SDC2: variants seen among roughly 807,000 people sequenced by gnomAD.
SDC2 encodes the protein syndecan-2.
Under a neutral mutation model 22.2 loss-of-function variants are expected in SDC2, and 13 were observed. The ratio of observed to expected loss-of-function variants is 0.59; its 90% CI spans 0.38 to 0.93. SDC2 has a LOEUF of 0.93. SDC2 is among the 40% of genes least tolerant of loss of function. The probability of loss-of-function intolerance (pLI) is 0.00; values close to 1 mark genes in which losing one functional copy is unlikely to be tolerated. For missense variants in SDC2, 235 were observed against 246.8 expected (o/e 0.95, Z 0.32); for synonymous variants, 94 against 92.8 (o/e 1.01, Z -0.07).
chr8:96,598,651 G>A (rs1206055913), intron 2 of SDC2, among the ~76,000 whole-genome samples: 1 of 151,912 alleles, frequency 6.6e-6, no homozygotes. Context: ...AAAAATAAGA[G>A]AATGAGCATG....
intron 1 of SDC2, among the ~76,000 whole-genome samples, chr8:96,576,364 G>GTTTT (rs1291289471): frequency 1.0e-4 from 2 of 19,172 alleles, no homozygotes; most frequent in African/African-American, 2.7e-4. Context: ...ATAATTGGTA[G>GTTTT]TTTGTTTTTG....
At chr8:96,502,213 A>AC (rs993240683) in intron 1 of SDC2, among the ~76,000 whole-genome samples, 2 of 152,332 alleles carry the variant, frequency 1.3e-5, no homozygotes, top group South Asian at 2.1e-4. Flanking sequence ...GAGAGCTTGT[A>AC]CAGGGGAACT....
chr8:96,508,902 G>A (rs1489847012), intron 1 of SDC2, among the ~76,000 whole-genome samples: 2 of 142,430 alleles, frequency 1.4e-5, no homozygotes, highest in African/African-American at 5.0e-5. Flanking sequence ...AATGGTTGCA[G>A]CCTCAAATCA....
intron 4 of SDC2, among the ~76,000 whole-genome samples, chr8:96,608,803 A>C (rs1006288809): frequency 7.2e-5 from 11 of 152,328 alleles, no homozygotes; most frequent in Non-Finnish European, 7.4e-5. Context: ...GGCATTCTAC[A>C]TTTCAAAATA....
intron 1 of SDC2, among the ~76,000 whole-genome samples, chr8:96,523,656 T>C (rs1422416872): frequency 1.3e-5 from 2 of 152,192 alleles, no homozygotes; most frequent in African/African-American, 2.4e-5. Context: ...CGGAGACTCA[T>C]TGAAAACAGC....
At chr8:96,555,284 T>C (rs1258558018) in intron 1 of SDC2, among the ~76,000 whole-genome samples, 3 of 152,178 alleles carry the variant, frequency 2.0e-5, no homozygotes, top group Non-Finnish European at 2.9e-5. Flanking sequence ...TCTTTCATTA[T>C]ATGGACTTTG....
rs1169536490 is a variant in SDC2 at position 96,610,573 on chromosome 8, A to G, written c.*1025A>G. ...TTCTAATGGTAACTTTTGTAGTCTT[A>G]TGAATAGACATAAATTGTAATTTGG... is the stretch of plus-strand genomic sequence containing the variant. On this transcript the variant is annotated 3_prime_UTR_variant, in exon 5 of 5. Transcript: ENST00000302190. 5 of 152,654 alleles carry G rather than the reference A, an allele frequency of 3.3e-5. No homozygotes were observed. Among genetic ancestry groups the G allele is most frequent in the African/African-American group, 1.2e-4 (5 of 41,454 alleles). The allele number at this position is 152,654 out of a possible 1,614,324, so 9.5% of individuals were successfully genotyped here. A position where few individuals can be genotyped will look rare whatever the true frequency, so the allele number is the denominator to read the frequency against.
At chr8:96,540,982 A>C (rs1009475456) in intron 1 of SDC2, among the ~76,000 whole-genome samples, 2 of 152,242 alleles carry the variant, frequency 1.3e-5, no homozygotes, top group Non-Finnish European at 2.9e-5. Context: ...CAAATATTCC[A>C]GTCTAAGAGA....
At chr8:96,506,373 C>T (rs183457778) in intron 1 of SDC2, among the ~76,000 whole-genome samples, 2 of 152,202 alleles carry the variant, frequency 1.3e-5, no homozygotes, top group East Asian at 3.9e-4. Context: ...AAAGTGAGAG[C>T]TGGGCCTTTG....
intron 1 of SDC2, among the ~76,000 whole-genome samples, chr8:96,555,534 CAA>C (rs1223050540): frequency 6.6e-6 from 1 of 152,080 alleles, no homozygotes; most frequent in Admixed American, 6.6e-5. Flanking sequence ...GCCGCCAGGT[CAA>C]AGTGTGCAGA....
In SDC2 at chr8:96,608,200, C is replaced by G. The variant is rs985123187; in HGVS notation, c.307-135C>G. The G allele has an allele frequency of 1.7e-5, 13 of 755,048 alleles. No homozygotes were observed. The Admixed American group carries it at 2.8e-4, about 16-fold the overall frequency. 46.8% of individuals were successfully genotyped at this position (755,048 alleles called of 1,614,324 possible). ...CTCACCCATTGCTATAAACATCACACAAGTGATTATTCCAGTTATTTCCTA... is the reference window on the plus strand; with the variant it reads ...CTCACCCATTGCTATAAACATCACAGAAGTGATTATTCCAGTTATTTCCTA... On this transcript the variant is annotated intron_variant, in intron 3 of 4. Coordinates refer to ENST00000302190, the MANE Select transcript of SDC2 (RefSeq NM_002998.4).
At chr8:96,505,585 C>G (rs893820102) in intron 1 of SDC2, among the ~76,000 whole-genome samples, 1 of 152,202 alleles carries the variant, frequency 6.6e-6, no homozygotes, top group Non-Finnish European at 1.5e-5. Context: ...CAGGCATAAG[C>G]CACCGCGCCC....
At chr8:96,512,905 G>A (rs1336856823) in intron 1 of SDC2, among the ~76,000 whole-genome samples, 1 of 152,138 alleles carries the variant, frequency 6.6e-6, no homozygotes, top group African/African-American at 2.4e-5. Context: ...GAAGCCTTTA[G>A]TGCATCAAAC....
Position 96,602,495 on chromosome 8 carries a change from G to A in SDC2, c.273G>A (p.Leu91=). Residue 91 remains leucine, a synonymous_variant, in exon 3 of 5, where the codon CTG becomes CTA. Coordinates refer to ENST00000302190, the MANE Select transcript of SDC2 (RefSeq NM_002998.4). ...SAAPKVETTT[L]NIQNKIPAQT... is the part of the protein sequence containing the mutation. ...CTCCAAAAGTGGAAACCACGACGCT[G>A]AATATACAGAACAAGATACCTGCTC... 6.2e-7 allele frequency: 1 copy of A among 1,614,140 alleles called. No homozygotes were observed. The highest frequency in any genetic ancestry group is 8.5e-7 in the Non-Finnish European group (1 of 1,179,998).
intron 1 of SDC2, among the ~76,000 whole-genome samples, chr8:96,544,573 T>C (rs1813903104): frequency 6.6e-6 from 1 of 152,208 alleles, no homozygotes; most frequent in Non-Finnish European, 1.5e-5. Flanking sequence ...GCCCTTATCA[T>C]ACCCTGCTTT....
At chr8:96,594,095 A>G (rs1317964041) in intron 2 of SDC2, among the ~76,000 whole-genome samples, 1 of 152,208 alleles carries the variant, frequency 6.6e-6, no homozygotes, top group Non-Finnish European at 1.5e-5. Context: ...TGCAGCAGCC[A>G]AGTAAAATGA....
At chr8:96,560,223 A>G (rs1814186058) in intron 1 of SDC2, among the ~76,000 whole-genome samples, 1 of 152,168 alleles carries the variant, frequency 6.6e-6, no homozygotes, top group African/African-American at 2.4e-5. Flanking sequence ...ATCTTTCTAA[A>G]CTAGTATTTT....
chr8:96,555,941 T>C (rs1814102388), intron 1 of SDC2, among the ~76,000 whole-genome samples: 1 of 152,138 alleles, frequency 6.6e-6, no homozygotes, highest in Non-Finnish European at 1.5e-5. Flanking sequence ...GCCTGAGCTA[T>C]AGTACCTTGT....
intron 1 of SDC2, among the ~76,000 whole-genome samples, chr8:96,592,004 G>C (rs1814789235): frequency 6.6e-6 from 1 of 152,178 alleles, no homozygotes; most frequent in Non-Finnish European, 1.5e-5. Context: ...GGAAACCAGT[G>C]AAACAGGGTG....
Sources: gnomAD v4.1 joint callset for allele counts (sites outside exome capture counted in the v4.1 genomes callset) on GRCh38, gnomAD v4.1.1 for gene constraint, MANE v1.5 for transcripts, NCBI Gene and HGNC (gene_info 2026-07-23, HGNC 2026-07-21) for gene names.